The following STMP1 variants were observed in gnomAD, a reference collection of about 807,000 sequenced individuals.
The protein encoded by STMP1 is short transmembrane mitochondrial protein 1.
In STMP1, 7 loss-of-function variants were observed where a neutral mutation model predicts 7.0. The observed-to-expected ratio is 1.01, with a 90% confidence interval of 0.57 to 1.89. The LOEUF (loss-of-function observed/expected upper bound fraction) is 1.89, where lower values mean the gene tolerates loss of function less well. Among genes scored for constraint, STMP1 ranks in the 40% most tolerant of loss-of-function variants. STMP1 has a pLI of 0.00. For synonymous variants in STMP1, 19 were observed against 18.4 expected, an observed-to-expected ratio of 1.03 and a Z score of -0.08; for missense variants, 45 against 53.0, an observed-to-expected ratio of 0.85 and a Z score of 0.47.
At chr7:135,671,037 T>G (rs3110818) in intron 1 of STMP1, among the ~76,000 whole-genome samples, 53,012 of 151,968 alleles carry the variant, frequency 0.35, 9,694 homozygotes, top group East Asian at 0.55. Context: ...TTTCTCTTCT[T>G]TTAAGCAAAT....
chr7:135,673,548 C>CGGAAGTGGGTATACAAAAGT (rs1795377703), intron 2 of STMP1, among the ~76,000 whole-genome samples: 2 of 152,098 alleles, frequency 1.3e-5, no homozygotes, highest in Non-Finnish European at 2.9e-5. Context: ...CCAGATCGAG[C>CGGAAGTGGGTATACAAAAGT]GGAAGTGGGT....
At chr7:135,662,643 G>C (rs1323651914) in intron 1 of STMP1, 49 bp downstream of exon 1, 1 of 1,537,732 alleles carries the variant, frequency 6.5e-7, no homozygotes, top group South Asian at 1.2e-5. Context: ...GGCGTGCCTC[G>C]GACCCCATTT....
chr7:135,673,357 T>C (rs1019948431), intron 2 of STMP1: 1 of 151,934 alleles, frequency 6.6e-6, no homozygotes, highest in African/African-American at 2.5e-5. Flanking sequence ...TGAATGGGGA[T>C]TCTGGACAGG....
At chr7:135,670,678 A>C (rs1365424179) in intron 1 of STMP1, among the ~76,000 whole-genome samples, 2 of 152,126 alleles carry the variant, frequency 1.3e-5, no homozygotes, top group Non-Finnish European at 2.9e-5. Flanking sequence ...TTAGAGGCTC[A>C]TGGTTTTTGT....
intron 1 of STMP1, among the ~76,000 whole-genome samples, chr7:135,669,871 G>A (rs1795339276): frequency 6.6e-6 from 1 of 152,248 alleles, no homozygotes; most frequent in East Asian, 1.9e-4. Context: ...TACCAAATGA[G>A]TTATGATGAA....
chr7:135,663,695 G>A (rs1584704397), intron 1 of STMP1, among the ~76,000 whole-genome samples: 2 of 151,848 alleles, frequency 1.3e-5, no homozygotes, highest in South Asian at 4.1e-4. Context: ...CCGCTCTGTC[G>A]CCAGGCTGGA....
At position 135,672,782 on chromosome 7, in the gene STMP1, A is replaced by C. The variant is rs1795370690; in HGVS notation, c.45A>C (p.Gly15=). 6.4e-7 allele frequency: 1 copy of C among 1,551,616 alleles called. No homozygotes were observed. Among genetic ancestry groups the C allele is most frequent in the Non-Finnish European group, 8.7e-7 (1 of 1,146,942 alleles). Residue 15 remains glycine, a synonymous_variant, in exon 2 of 3, where the codon GGA becomes GGC. Transcript: ENST00000507606. ...GATTTACACTGGGCAACGTGGTTGGAATGTATCTGGCTCAGAACTATGATG... is the reference window on the plus strand; with the variant it reads ...GATTTACACTGGGCAACGTGGTTGGCATGTATCTGGCTCAGAACTATGATG... ...LLGFTLGNVV[G]MYLAQNYDIP...
intron 1 of STMP1, among the ~76,000 whole-genome samples, chr7:135,667,953 T>G (rs569669794): frequency 6.6e-6 from 1 of 152,364 alleles, no homozygotes; most frequent in South Asian, 2.1e-4. Context: ...TTTGAGTTAA[T>G]TTTTGTATAT....
chr7:135,670,862 A>G (rs1159053719), intron 1 of STMP1, among the ~76,000 whole-genome samples: 1 of 152,220 alleles, frequency 6.6e-6, no homozygotes, highest in Non-Finnish European at 1.5e-5. Context: ...AATGTTTTAT[A>G]AATCAGGAAG....
At chr7:135,671,108 A>C (rs958423499) in intron 1 of STMP1, among the ~76,000 whole-genome samples, 35 of 152,206 alleles carry the variant, frequency 2.3e-4, no homozygotes, top group African/African-American at 7.5e-4. Flanking sequence ...ATAGGAGAAA[A>C]AAATCATTCT....
In STMP1 at chr7:135,674,773, C is replaced by T. The variant is rs541549419; in HGVS notation, c.*608C>T. 63 of 150,844 alleles carry T rather than the reference C, an allele frequency of 4.2e-4. No homozygotes were observed. Among genetic ancestry groups the T allele is most frequent in the Admixed American group, 9.8e-4 (15 of 15,274 alleles). The allele number at this position is 150,844 out of a possible 1,614,324, so 9.3% of individuals were successfully genotyped here. On this transcript the variant is annotated 3_prime_UTR_variant, in exon 3 of 3. Coordinates refer to ENST00000507606, the MANE Select transcript of STMP1 (RefSeq NM_001130929.2). ...TCAGGAATTGGGGAATGAAAAAATACACAAAATAATGGTCTTTGTCCCAGT... is the reference window on the plus strand; with the variant it reads ...TCAGGAATTGGGGAATGAAAAAATATACAAAATAATGGTCTTTGTCCCAGT...
At chr7:135,669,122 T>C (rs1795331935) in intron 1 of STMP1, among the ~76,000 whole-genome samples, 1 of 152,226 alleles carries the variant, frequency 6.6e-6, no homozygotes, top group Admixed American at 6.5e-5. Flanking sequence ...ACATATTCAC[T>C]ATCACGAGAA....
intron 1 of STMP1, among the ~76,000 whole-genome samples, chr7:135,666,716 T>G (rs1462413618): frequency 1.3e-5 from 2 of 152,256 alleles, no homozygotes; most frequent in Non-Finnish European, 2.9e-5. Flanking sequence ...TTCTGAATAA[T>G]TATCTTGCAC....
intron 1 of STMP1, among the ~76,000 whole-genome samples, chr7:135,670,103 C>T (rs562411695): frequency 1.8e-4 from 28 of 152,322 alleles, no homozygotes; most frequent in Admixed American, 1.3e-3. Context: ...CCTCTGTTCT[C>T]AAACTTCCAG....
rs187090697 is a variant in STMP1 at position 135,666,512 on chromosome 7, C to G, written c.15+3918C>G. Among the ~76,000 whole-genome samples, 819 of 152,014 alleles carry G rather than the reference C, an allele frequency of 5.4e-3. 4 individuals are homozygous for G. The highest frequency in any genetic ancestry group is 0.019 in the African/African-American group (796 of 41,458). ...TACAGACGTGTGCCACCATCCCCGG[C>G]TAATTTTTGTATTTTTAGTAGAAAC... is the stretch of plus-strand genomic sequence containing the variant. On this transcript the variant is annotated intron_variant, in intron 1 of 2. Coordinates refer to ENST00000507606, the MANE Select transcript of STMP1 (RefSeq NM_001130929.2).
intron 1 of STMP1, among the ~76,000 whole-genome samples, chr7:135,669,949 G>A (rs935516964): frequency 3.9e-5 from 6 of 151,932 alleles, no homozygotes; most frequent in African/African-American, 1.5e-4. Context: ...CTGATTCTTA[G>A]TGTACTCTCT....
intron 1 of STMP1, among the ~76,000 whole-genome samples, chr7:135,668,198 T>A (rs1056118880): frequency 1.3e-5 from 2 of 152,222 alleles, no homozygotes; most frequent in Non-Finnish European, 2.9e-5. Flanking sequence ...TTCAGTCTTC[T>A]TTCCTTGCCA....
At chr7:135,664,182 G>T (rs1795268497) in intron 1 of STMP1, among the ~76,000 whole-genome samples, 1 of 152,134 alleles carries the variant, frequency 6.6e-6, no homozygotes, top group South Asian at 2.1e-4. Flanking sequence ...ATTAAAAGCG[G>T]TATCACTTAG....
At chr7:135,671,743 AGTG>A (rs1795359192) in intron 1 of STMP1, among the ~76,000 whole-genome samples, 1 of 152,178 alleles carries the variant, frequency 6.6e-6, no homozygotes, top group Non-Finnish European at 1.5e-5. Flanking sequence ...CCTGTGGCAG[AGTG>A]CTAAGCCATA....
Sources: gnomAD v4.1 joint callset for allele counts (sites outside exome capture counted in the v4.1 genomes callset) on GRCh38, gnomAD v4.1.1 for gene constraint, MANE v1.5 for transcripts, NCBI Gene and HGNC (gene_info 2026-07-23, HGNC 2026-07-21) for gene names.